The following HIVEP3 variants were observed in gnomAD, a reference collection of about 807,000 sequenced individuals.
HIVEP3 encodes the protein transcription factor HIVEP3.
A neutral mutation model predicts 152.8 loss-of-function variants in HIVEP3; 49 were observed. That is an observed-to-expected ratio of 0.32 (90% CI 0.26 to 0.41). The LOEUF (loss-of-function observed/expected upper bound fraction) is 0.41. Among genes scored for constraint, HIVEP3 ranks in the 10% least tolerant of loss-of-function variants. The pLI is 1.00. For synonymous variants in HIVEP3, 1,269 were observed against 1,289.0 expected (o/e 0.98, Z 0.33); for missense variants, 2,790 against 3,103.3 (o/e 0.90, Z 2.40).
At position 41,628,830 on chromosome 1, in the gene HIVEP3, G is replaced by A. The variant is rs1645153789; in HGVS notation, c.-603C>T. 3 of 1,231,786 alleles carry A rather than the reference G, an allele frequency of 2.4e-6. No individual in the cohort carries two copies. The highest frequency in any genetic ancestry group is 4.2e-5 in the Admixed American group (1 of 23,674). 76.3% of individuals were successfully genotyped at this position (1,231,786 alleles called of 1,614,324 possible). A position where few individuals can be genotyped will look rare whatever the true frequency, so the allele number is the denominator to read the frequency against. ...GCCAGCATTCATGTCCACTCCTACG[G>A]CAGCCACCCTCCACCTAGGCGCCGC... On this transcript the variant is annotated 5_prime_UTR_variant, in exon 3 of 9. Transcript: ENST00000372583.
intron 1 of HIVEP3, among the ~76,000 whole-genome samples, chr1:41,744,321 G>A (rs1332642773): frequency 6.6e-6 from 1 of 152,208 alleles, no homozygotes; most frequent in African/African-American, 2.4e-5. Flanking sequence ...TTACAGGTGT[G>A]AGCCATCACG....
intron 2 of HIVEP3, among the ~76,000 whole-genome samples, chr1:41,638,256 G>GAGAAAGAAAGAA (rs61470609): frequency 0.18 from 22,113 of 121,150 alleles, 2,833 homozygotes; most frequent in African/African-American, 0.24. Flanking sequence ...AAGAAAGAGA[G>GAGAAAGAAAGAA]AGAAAGAAAG....
At chr1:42,027,651 T>C (rs7529102) in intron 1 of HIVEP3, among the ~76,000 whole-genome samples, 103,204 of 151,994 alleles carry the variant, frequency 0.68, 35,691 homozygotes, top group East Asian at 0.96. Context: ...TTCATTTTCA[T>C]GCTGCCGATA....
At chr1:41,952,167 CAG>C (rs1315909865) in intron 1 of HIVEP3, among the ~76,000 whole-genome samples, 1 of 152,168 alleles carries the variant, frequency 6.6e-6, no homozygotes, top group African/African-American at 2.4e-5. Flanking sequence ...GATTTTGCAA[CAG>C]AGAGTTAAAT....
intron 1 of HIVEP3, among the ~76,000 whole-genome samples, chr1:41,758,332 G>A (rs1421205127): frequency 6.6e-6 from 1 of 152,186 alleles, no homozygotes; most frequent in African/African-American, 2.4e-5. Context: ...CACAGGGAAT[G>A]GGGAGAGAAG....
At chr1:41,779,506 C>T (rs1648909955) in intron 1 of HIVEP3, among the ~76,000 whole-genome samples, 1 of 152,044 alleles carries the variant, frequency 6.6e-6, no homozygotes, top group African/African-American at 2.4e-5. Context: ...CTTTTCTTTT[C>T]TTTTGAGACG....
At chr1:41,612,018 G>C (rs899055103) in intron 3 of HIVEP3, among the ~76,000 whole-genome samples, 5 of 151,916 alleles carry the variant, frequency 3.3e-5, no homozygotes, top group Non-Finnish European at 5.9e-5. Context: ...TCACCTTCCT[G>C]CCTGGCAGTC....
At chr1:41,922,940 AAAATAAGGATTTTTTTTAGGTTG>A (rs1352064352), upstream of HIVEP3, among the ~76,000 whole-genome samples, 1 of 152,214 alleles carries the variant, frequency 6.6e-6, no homozygotes, top group African/African-American at 2.4e-5. Flanking sequence ...CATTAAAATG[AAAATAAGGATTTTTTTTAGGTTG>A]AAATAGATGA....
intron 1 of HIVEP3, among the ~76,000 whole-genome samples, chr1:42,035,619 AC>A (rs1645638100): frequency 6.6e-6 from 1 of 151,234 alleles, no homozygotes; most frequent in Non-Finnish European, 1.5e-5. Flanking sequence ...CAGACGGGGG[AC>A]CCCAGCTGAG....
At chr1:41,881,305 GC>G (rs749730881) in intron 1 of HIVEP3, among the ~76,000 whole-genome samples, 39 of 152,300 alleles carry the variant, frequency 2.6e-4, no homozygotes, top group Non-Finnish European at 4.6e-4. Context: ...TCAGCACAAT[GC>G]CCCCTTTGAA....
intron 1 of HIVEP3, among the ~76,000 whole-genome samples, chr1:41,968,652 A>G (rs1440256470): frequency 6.6e-6 from 1 of 152,232 alleles, no homozygotes; most frequent in Non-Finnish European, 1.5e-5. Flanking sequence ...CTGGCACAAG[A>G]CAAGGATGCC....
intron 1 of HIVEP3, among the ~76,000 whole-genome samples, chr1:41,851,276 C>CCTTCTT (rs1553122668): frequency 7.2e-6 from 1 of 138,378 alleles, no homozygotes; most frequent in Admixed American, 7.3e-5. Flanking sequence ...TGAGAGAGCA[C>CCTTCTT]CTTCTTCTTC....
chr1:41,651,439 A>C (rs1018245710), intron 2 of HIVEP3, among the ~76,000 whole-genome samples: 1 of 151,862 alleles, frequency 6.6e-6, no homozygotes, highest in Non-Finnish European at 1.5e-5. Context: ...AAAAATCCAC[A>C]AAGTTCCAAA....
intron 1 of HIVEP3, among the ~76,000 whole-genome samples, chr1:41,862,016 A>G (rs967298930): frequency 1.3e-5 from 2 of 152,152 alleles, no homozygotes; most frequent in Non-Finnish European, 2.9e-5. Flanking sequence ...AGGATGAGTC[A>G]GGGGCAGTTC....
At chr1:41,750,737 C>G (rs567330514) in intron 1 of HIVEP3, among the ~76,000 whole-genome samples, 1 of 147,796 alleles carries the variant, frequency 6.8e-6, no homozygotes, top group Non-Finnish European at 1.5e-5. Context: ...CTCGCTCTGT[C>G]GCCCAGGCTG....
chr1:41,828,557 G>A (rs1642869429), intron 1 of HIVEP3, among the ~76,000 whole-genome samples: 1 of 152,214 alleles, frequency 6.6e-6, no homozygotes, highest in Non-Finnish European at 1.5e-5. Context: ...CTTTAAGCCA[G>A]TGGTTCTCCA....
At position 41,855,741 on chromosome 1, in the gene HIVEP3, A is replaced by T. The variant is rs1643747705; in HGVS notation, c.-801+62672T>A. On this transcript the variant is annotated intron_variant, in intron 1 of 8. Coordinates refer to ENST00000372583, the MANE Select transcript of HIVEP3 (RefSeq NM_024503.5). ...TAGAACTCCTCAGATTAGAAACGGC[A>T]CTAGGGTCACAAATTCAAATGCTCA... 1.3e-5 allele frequency among the ~76,000 whole-genome samples: 2 copies of T among 152,206 alleles called. 1 individual carries two copies. The highest frequency in any genetic ancestry group is 4.1e-4 in the South Asian group (2 of 4,828).
intron 1 of HIVEP3, among the ~76,000 whole-genome samples, chr1:41,859,374 T>C (rs948281607): frequency 6.6e-5 from 10 of 152,242 alleles, no homozygotes; most frequent in Non-Finnish European, 1.0e-4. Context: ...TAGATTTTCG[T>C]AAACAATTTT....
At chr1:42,006,006 T>C (rs1440404709) in intron 1 of HIVEP3, among the ~76,000 whole-genome samples, 1 of 151,428 alleles carries the variant, frequency 6.6e-6, no homozygotes, top group Non-Finnish European at 1.5e-5. Flanking sequence ...GATATTTTTC[T>C]ATAAAACAGT....
Sources: gnomAD v4.1 joint callset for allele counts (sites outside exome capture counted in the v4.1 genomes callset) on GRCh38, gnomAD v4.1.1 for gene constraint, MANE v1.5 for transcripts, NCBI Gene and HGNC (gene_info 2026-07-23, HGNC 2026-07-21) for gene names.